The following PNPLA8 variants were observed in gnomAD, a reference collection of about 807,000 sequenced individuals.
The protein encoded by PNPLA8 is patatin like domain 8, phospholipase A2, also known as calcium-independent phospholipase A2-gamma.
PNPLA8 carries 39 observed loss-of-function variants against 76.9 expected under a neutral mutation model. The ratio of observed to expected loss-of-function variants is 0.51; its 90% confidence interval spans 0.39 to 0.66. PNPLA8 has a LOEUF of 0.66. PNPLA8 is among the 30% of genes least tolerant of loss of function. The pLI is 0.00. For synonymous variants in PNPLA8, 301 were observed against 307.9 expected (o/e 0.98, Z 0.24); for missense variants, 887 against 918.0 (o/e 0.97, Z 0.44).
At chr7:108,524,289 G>A (rs962984717) in intron 1 of PNPLA8, among the ~76,000 whole-genome samples, 1 of 152,112 alleles carries the variant, frequency 6.6e-6, no homozygotes, top group Non-Finnish European at 1.5e-5. Flanking sequence ...ATATTCACAT[G>A]CCCACTGAAG....
chr7:108,503,418 T>C (rs75349033), intron 4 of PNPLA8, among the ~76,000 whole-genome samples: 1 of 152,364 alleles, frequency 6.6e-6, no homozygotes, highest in East Asian at 1.9e-4. Flanking sequence ...TGTTTCTTTT[T>C]TATGATCAAT....
intron 10 of PNPLA8, among the ~76,000 whole-genome samples, chr7:108,473,247 A>AT: frequency 6.6e-6 from 1 of 152,310 alleles, no homozygotes; most frequent in East Asian, 1.9e-4. Context: ...GTTGTAGCAT[A>AT]TATCAATAGT....
rs549033649 is a variant in PNPLA8 at position 108,470,605 on chromosome 7, G to A, written c.*1796C>T. 7.2e-5 allele frequency: 11 copies of A among 152,110 alleles called. No individual in the cohort carries two copies. The highest frequency in any genetic ancestry group is 1.2e-4 in the African/African-American group (5 of 41,518). The allele number at this position is 152,110 out of a possible 1,614,324, so 9.4% of individuals were successfully genotyped here. A position where few individuals can be genotyped will look rare whatever the true frequency, so the allele number is the denominator to read the frequency against. ...TTGTGCTTGAAATTTGCTTTATTACGAAGAATTCCCAGAAATATTCTGATT... is the reference window on the plus strand; with the variant it reads ...TTGTGCTTGAAATTTGCTTTATTACAAAGAATTCCCAGAAATATTCTGATT... On this transcript the variant is annotated 3_prime_UTR_variant, in exon 11 of 11. Coordinates refer to ENST00000257694, the MANE Select transcript of PNPLA8 (RefSeq NM_001256007.3).
At chr7:108,516,030 A>C (rs1863318252) in intron 2 of PNPLA8, among the ~76,000 whole-genome samples, 2 of 152,222 alleles carry the variant, frequency 1.3e-5, no homozygotes, top group Non-Finnish European at 2.9e-5. Flanking sequence ...ATGGTGCTAG[A>C]TGCTGAAGCC....
chr7:108,505,386 C>A, intron 4 of PNPLA8, among the ~76,000 whole-genome samples: 1 of 66,878 alleles, frequency 1.5e-5, no homozygotes, highest in East Asian at 6.4e-4. Flanking sequence ...TTTTTTGAGA[C>A]GGAGTCTCAC....
intron 4 of PNPLA8, among the ~76,000 whole-genome samples, chr7:108,505,321 TATATATATATATATATATATA>T (rs1862280300): frequency 2.7e-4 from 1 of 3,686 alleles, no homozygotes; most frequent in African/African-American, 1.1e-3. Flanking sequence ...TATATATATA[TATATATATATATATATATATA>T]TATATATATA....
intron 10 of PNPLA8, among the ~76,000 whole-genome samples, chr7:108,473,163 C>A (rs1181081366): frequency 6.6e-6 from 1 of 152,164 alleles, no homozygotes; most frequent in Non-Finnish European, 1.5e-5. Flanking sequence ...TTTCCCTTTC[C>A]TAGAATTTCA....
chr7:108,497,142 T>C (rs1191748402), intron 6 of PNPLA8, among the ~76,000 whole-genome samples: 1 of 152,142 alleles, frequency 6.6e-6, no homozygotes, highest in African/African-American at 2.4e-5. Context: ...AATTACTTAG[T>C]TTTAGTCACA....
chr7:108,472,393 T>C lies in PNPLA8; in HGVS notation c.*8A>G, dbSNP rs545658830. The C allele has an allele frequency of 2.6e-6, 4 of 1,540,554 alleles. No individual in the cohort carries two copies. The highest frequency in any genetic ancestry group is 1.4e-5 in the African/African-American group (1 of 72,258). Reference sequence around the variant, plus strand: ...ACCTTCATTTATGAGAACATAAGCATATACTCATCACAATTTTGAAAAGAA... The same window carrying C: ...ACCTTCATTTATGAGAACATAAGCACATACTCATCACAATTTTGAAAAGAA... On this transcript the variant is annotated 3_prime_UTR_variant, in exon 11 of 11. Coordinates refer to ENST00000257694, the MANE Select transcript of PNPLA8 (RefSeq NM_001256007.3).
At chr7:108,500,987 T>C (rs577982104) in intron 5 of PNPLA8, among the ~76,000 whole-genome samples, 2 of 152,314 alleles carry the variant, frequency 1.3e-5, no homozygotes, top group South Asian at 4.1e-4. Context: ...GTTAGCTTCC[T>C]TCTCTCAGTA....
intron 1 of PNPLA8, among the ~76,000 whole-genome samples, chr7:108,522,978 A>G (rs1306467918): frequency 6.6e-6 from 1 of 152,240 alleles, no homozygotes. Context: ...ACACTAGTAA[A>G]TGCAAGGTAA....
intron 9 of PNPLA8, among the ~76,000 whole-genome samples, chr7:108,482,880 C>A (rs1368339658): frequency 5.3e-5 from 8 of 152,232 alleles, no homozygotes; most frequent in Admixed American, 2.0e-4. Context: ...TCAACTACCC[C>A]CACCATTGGT....
intron 9 of PNPLA8, 189 bp from the exon 10 acceptor site, chr7:108,479,568 T>C: frequency 1.6e-6 from 1 of 628,026 alleles, no homozygotes; most frequent in Non-Finnish European, 2.9e-6. Flanking sequence ...TTTATTAAGT[T>C]TTCCTTTCCT....
intron 9 of PNPLA8, among the ~76,000 whole-genome samples, chr7:108,484,777 T>C (rs1860628629): frequency 6.6e-6 from 1 of 152,170 alleles, no homozygotes; most frequent in Non-Finnish European, 1.5e-5. Context: ...TACATTCTTT[T>C]TGTCTGAACT....
At chr7:108,509,053 G>C (rs1862684666) in intron 4 of PNPLA8, among the ~76,000 whole-genome samples, 1 of 116,782 alleles carries the variant, frequency 8.6e-6, no homozygotes, top group Admixed American at 8.1e-5. Flanking sequence ...TTAAACGTTA[G>C]ACCTAAAACC....
At chr7:108,495,863 A>T (rs756941232) in intron 7 of PNPLA8, among the ~76,000 whole-genome samples, 43 of 152,324 alleles carry the variant, frequency 2.8e-4, no homozygotes, top group Non-Finnish European at 5.7e-4. Flanking sequence ...AAGGAGAAGG[A>T]TACGAATTTA....
chr7:108,491,525 AG>A lies in PNPLA8; in HGVS notation c.1626-59del, dbSNP rs58403090. 1.5e-3 allele frequency: 1,559 copies of A among 1,053,438 alleles called. 17 individuals are homozygous for A. The African/African-American group carries it at 0.022, about 15-fold the overall frequency. The allele number at this position is 1,053,438 out of a possible 1,614,324, so 65.3% of individuals were successfully genotyped here. ...AAAATGACTTTATCTCCTAACAACC[AG>A]GAAACATACAGTATGCAATTACTAT... On this transcript the variant is annotated intron_variant, in intron 7 of 10. Coordinates refer to ENST00000257694, the MANE Select transcript of PNPLA8 (RefSeq NM_001256007.3).
Position 108,487,844 on chromosome 7 carries a change from T to C in PNPLA8, c.1793A>G (p.Gln598Arg), listed in dbSNP as rs1860854089. ...GINSHYLGGC[Q>R]YKMWQAIRAS... Reference sequence around the variant, plus strand: ...TCTAATGGCCTGCCACATTTTATACTGACAGCCTCCCAAATAATGAGAGTT... The same window carrying C: ...TCTAATGGCCTGCCACATTTTATACCGACAGCCTCCCAAATAATGAGAGTT... The change falls in exon 9 of 11, where the codon CAG (glutamine) becomes CGG (arginine). Residue 598 changes from glutamine to arginine, a missense_variant. Coordinates refer to ENST00000257694, the MANE Select transcript of PNPLA8 (RefSeq NM_001256007.3). The C allele has an allele frequency of 1.2e-6, 2 of 1,613,498 alleles. No individual in the cohort carries two copies. Among genetic ancestry groups the C allele is most frequent in the Admixed American group, 1.7e-5 (1 of 59,992 alleles).
In PNPLA8 at chr7:108,514,452, G is replaced by A. The variant is rs1863152751; in HGVS notation, c.1040C>T (p.Ser347Phe). The part of the protein sequence containing the change: ...DRNAEEKKRL[S>F]LQREKIIARV... ...ACAACTTGCCTTTTCTCGCTGAAGA[G>A]ATAAACGCTTTTTCTCCTCTGCATT... The change falls in exon 3 of 11, where the codon TCT becomes TTT. Residue 347 changes from serine (S) to phenylalanine (F), a missense_variant. By Grantham distance (155) the Ser-to-Phe change is radical. Coordinates refer to ENST00000257694, the MANE Select transcript of PNPLA8 (RefSeq NM_001256007.3). The A allele has an allele frequency of 6.2e-7, 1 of 1,609,664 alleles. No individual in the cohort carries two copies. The highest frequency in any genetic ancestry group is 1.7e-5 in the Admixed American group (1 of 59,146).
Sources: allele counts gnomAD v4.1 joint callset (sites outside exome capture counted in the v4.1 genomes callset), GRCh38; gene constraint gnomAD v4.1.1; transcripts MANE v1.5; gene names NCBI Gene and HGNC (gene_info 2026-07-23, HGNC 2026-07-21).